The following SYNPO2 variants were observed in gnomAD, a reference collection of about 807,000 sequenced individuals.
SYNPO2 encodes synaptopodin-2.
Under a neutral mutation model 85.0 loss-of-function variants are expected in SYNPO2, and 56 were observed. The ratio of observed to expected loss-of-function variants is 0.66; its 90% CI spans 0.53 to 0.82. The LOEUF is 0.82. Ranked by LOEUF, SYNPO2 falls within the 40% of genes least tolerant of loss-of-function variation. The pLI is 0.00. For missense variants in SYNPO2, 1,575 were observed against 1,534.2 expected, an observed-to-expected ratio of 1.03 and a Z score of -0.44; for synonymous variants, 602 against 591.1, an observed-to-expected ratio of 1.02 and a Z score of -0.27.
At chr4:119,018,760 G>C (rs1357306833) in intron 1 of SYNPO2, among the ~76,000 whole-genome samples, 3 of 152,050 alleles carry the variant, frequency 2.0e-5, no homozygotes, top group Non-Finnish European at 4.4e-5. Context: ...CATGACTATA[G>C]TTAACAATAA....
At chr4:119,000,664 G>A (rs1246892526) in intron 1 of SYNPO2, among the ~76,000 whole-genome samples, 1 of 152,220 alleles carries the variant, frequency 6.6e-6, no homozygotes, top group Non-Finnish European at 1.5e-5. Flanking sequence ...ATATTTTGAA[G>A]CCCATGACCT....
intron 1 of SYNPO2, among the ~76,000 whole-genome samples, chr4:118,929,124 GA>G (rs897074061): frequency 6.6e-6 from 1 of 150,740 alleles, no homozygotes; most frequent in African/African-American, 2.5e-5. Context: ...AGAGATAAAG[GA>G]AAAGTAGGAA....
chr4:118,999,341 G>A (rs1451983759), intron 1 of SYNPO2, among the ~76,000 whole-genome samples: 2 of 151,752 alleles, frequency 1.3e-5, no homozygotes, highest in African/African-American at 4.8e-5. Context: ...TTGTAGAGAC[G>A]GGGTTTCATC....
intron 1 of SYNPO2, among the ~76,000 whole-genome samples, chr4:118,922,701 TC>T (rs1020205341): frequency 1.3e-5 from 2 of 151,560 alleles, no homozygotes; most frequent in African/African-American, 4.9e-5. Context: ...TTTTAGAAGA[TC>T]AACTGGCATT....
Position 118,934,382 on chromosome 4 carries a change from G to A in SYNPO2, c.105+45241G>A, listed in dbSNP as rs147312041. Among the ~76,000 whole-genome samples the A allele has an allele frequency of 8.0e-3, 1,210 of 152,184 alleles. 16 individuals are homozygous for A. The highest frequency in any genetic ancestry group is 0.028 in the African/African-American group (1,150 of 41,508). On this transcript the variant is annotated intron_variant, in intron 1 of 4. Transcript: ENST00000307142. Reference sequence around the variant, plus strand: ...CATTCTAGGCAAGATCTCTCCTGTGGTTCTAAGATGACTACCAGTTACTGT... The same window carrying A: ...CATTCTAGGCAAGATCTCTCCTGTGATTCTAAGATGACTACCAGTTACTGT...
chr4:118,970,770 T>G (rs746518325), intron 1 of SYNPO2, among the ~76,000 whole-genome samples: 1 of 152,208 alleles, frequency 6.6e-6, no homozygotes, highest in African/African-American at 2.4e-5. Context: ...AAAGGTTCCC[T>G]TCATCTCAGA....
chr4:118,895,971 A>C (rs1732538421), intron 1 of SYNPO2, among the ~76,000 whole-genome samples: 1 of 152,178 alleles, frequency 6.6e-6, no homozygotes, highest in Admixed American at 6.6e-5. Context: ...TTTAATATTA[A>C]TTCGGTTGAT....
intron 1 of SYNPO2, among the ~76,000 whole-genome samples, chr4:119,005,482 G>A (rs1457867905): frequency 6.9e-6 from 1 of 144,018 alleles, no homozygotes; most frequent in African/African-American, 2.5e-5. Flanking sequence ...TATTAAATAG[G>A]GAATCCTTTC....
chr4:118,970,972 C>T (rs1370406785), intron 1 of SYNPO2, among the ~76,000 whole-genome samples: 2 of 152,180 alleles, frequency 1.3e-5, no homozygotes, highest in East Asian at 3.8e-4. Flanking sequence ...CCCAATGATA[C>T]TTTGTCTCCT....
intron 1 of SYNPO2, among the ~76,000 whole-genome samples, chr4:119,020,600 A>G (rs898690241): frequency 6.6e-6 from 1 of 152,216 alleles, no homozygotes; most frequent in Non-Finnish European, 1.5e-5. Context: ...GGCACAGAGT[A>G]TAATGACACC....
At position 119,051,196 on chromosome 4, in the gene SYNPO2, T is replaced by TTTG. The variant is rs1561030354; in HGVS notation, c.3253-6203_3253-6202insGTT. Among the ~76,000 whole-genome samples the TTTG allele has an allele frequency of 1.9e-3, 261 of 138,092 alleles. 7 individuals carry two copies. The highest frequency in any genetic ancestry group is 6.7e-3 in the African/African-American group (249 of 37,018). 90.6% of individuals were successfully genotyped at this position (138,092 alleles called of 152,430 possible). A position where few individuals can be genotyped will look rare whatever the true frequency, so the allele number is the denominator to read the frequency against. On this transcript the variant is annotated intron_variant, in intron 4 of 4. Coordinates refer to ENST00000307142, the MANE Select transcript of SYNPO2 (RefSeq NM_133477.3). Reference sequence around the variant, plus strand: ...AAGCCATGGGAAGCAATTTTTTTTTTTTTTTTTTTTTGAGACGGAGTCTCG... The same window carrying TTTG: ...AAGCCATGGGAAGCAATTTTTTTTTTTTGTTTTTTTTTTTGAGACGGAGTCTCG...
intron 1 of SYNPO2, among the ~76,000 whole-genome samples, chr4:118,861,255 C>A (rs11944285): frequency 0.42 from 63,184 of 151,982 alleles, 14,892 homozygotes; most frequent in African/African-American, 0.64. Flanking sequence ...CAGGTTCAAG[C>A]AATTATCCTG....
chr4:119,027,448 G>T lies in SYNPO2; in HGVS notation c.1069+10G>T, dbSNP rs1458101537. The T allele has an allele frequency of 1.9e-6, 3 of 1,568,484 alleles. No homozygotes were observed. Among genetic ancestry groups the T allele is most frequent in the Non-Finnish European group, 2.6e-6 (3 of 1,151,514 alleles). The stretch of plus-strand genomic sequence containing the variant: ...CGAGCGCGGCATGCACGTAAGTTCT[G>T]CCTGGGCTTTCAGAAGGGGCTTGGG... On this transcript the variant is annotated intron_variant, in intron 3 of 4. Transcript: ENST00000307142.
At chr4:118,883,057 C>G (rs1199232187) in intron 1 of SYNPO2, among the ~76,000 whole-genome samples, 1 of 150,828 alleles carries the variant, frequency 6.6e-6, no homozygotes, top group Non-Finnish European at 1.5e-5. Context: ...CACCGCGCCC[C>G]GCCTGTTTTT....
intron 1 of SYNPO2, among the ~76,000 whole-genome samples, chr4:118,864,238 T>C (rs1036271862): frequency 5.9e-5 from 9 of 152,234 alleles, no homozygotes; most frequent in Non-Finnish European, 1.5e-5. Context: ...GAGCATTGTT[T>C]AATTTCCATG....
chr4:118,910,413 G>C (rs1037757996), intron 1 of SYNPO2, among the ~76,000 whole-genome samples: 1 of 152,210 alleles, frequency 6.6e-6, no homozygotes, highest in African/African-American at 2.4e-5. Flanking sequence ...CGTTGCACCG[G>C]GAATTTCCAT....
At chr4:119,001,055 C>T (rs1205453206) in intron 1 of SYNPO2, among the ~76,000 whole-genome samples, 1 of 152,188 alleles carries the variant, frequency 6.6e-6, no homozygotes, top group Non-Finnish European at 1.5e-5. Context: ...ACTTTCCCCT[C>T]AAGAGGTAAA....
chr4:118,911,095 T>A (rs1035076604), intron 1 of SYNPO2, among the ~76,000 whole-genome samples: 1 of 152,190 alleles, frequency 6.6e-6, no homozygotes, highest in Admixed American at 6.5e-5. Context: ...ACATAAAAGA[T>A]CTTTAATAAG....
chr4:119,034,735 G>A, intron 4 of SYNPO2: 2 of 985,512 alleles, frequency 2.0e-6, no homozygotes, highest in Non-Finnish European at 2.4e-6. Context: ...GGAGTAAGAG[G>A]AATTTGCTTT....
Sources: gnomAD v4.1 joint callset for allele counts (sites outside exome capture counted in the v4.1 genomes callset) on GRCh38, gnomAD v4.1.1 for gene constraint, MANE v1.5 for transcripts, NCBI Gene and HGNC (gene_info 2026-07-23, HGNC 2026-07-21) for gene names.